Variants in PHGDH observed in about 807,000 individuals in gnomAD.
PHGDH encodes phosphoglycerate dehydrogenase.
PHGDH carries 50 observed loss-of-function variants against 52.6 expected under a neutral mutation model. That is an observed-to-expected ratio of 0.95 (90% CI 0.76 to 1.20). The LOEUF (loss-of-function observed/expected upper bound fraction) is 1.20. Ranked by LOEUF, PHGDH falls within the 50% of genes most tolerant of loss-of-function variation. PHGDH has a pLI of 0.00. For synonymous variants in PHGDH, 271 were observed against 280.5 expected (o/e 0.97, Z 0.34); for missense variants, 630 against 684.6 (o/e 0.92, Z 0.89).
At chr1:119,726,756 T>G (rs1176103648) in intron 3 of PHGDH, 95 bp from the exon 4 acceptor site, 7 of 966,034 alleles carry the variant, frequency 7.2e-6, no homozygotes, top group Non-Finnish European at 1.7e-6. Flanking sequence ...GAAGTGGCTG[T>G]CATGGGCAGT....
chr1:119,723,223 G>A (rs918099672), intron 2 of PHGDH, among the ~76,000 whole-genome samples, 153 bp from the exon 3 acceptor site: 1 of 152,182 alleles, frequency 6.6e-6, no homozygotes, highest in Non-Finnish European at 1.5e-5. Flanking sequence ...TTGGCTTAGG[G>A]CGAGAGTACA....
intron 3 of PHGDH, chr1:119,724,603 C>T (rs1651320231): frequency 8.1e-6 from 3 of 369,982 alleles, no homozygotes; most frequent in Non-Finnish European, 1.6e-5. Context: ...GTCTCTCCCC[C>T]TGGAGAAGTA....
chr1:119,735,165 G>A lies in PHGDH; in HGVS notation c.644-130G>A, dbSNP rs1238550103. 3.3e-6 allele frequency: 4 copies of A among 1,210,286 alleles called. No individual in the cohort carries two copies. In the African/African-American group the frequency reaches 4.4e-5, roughly 13 times the overall value. The allele number at this position is 1,210,286 out of a possible 1,614,324, so 75.0% of individuals were successfully genotyped here. On this transcript the variant is annotated intron_variant, in intron 6 of 11. Coordinates refer to ENST00000641023, the MANE Select transcript of PHGDH (RefSeq NM_006623.4). Reference sequence around the variant, plus strand: ...GAGGAGGAAGAGATGAGAGCAAAGAGGCTGCCGTCCAGCAGGAGAGAGGCT... The same window carrying A: ...GAGGAGGAAGAGATGAGAGCAAAGAAGCTGCCGTCCAGCAGGAGAGAGGCT...
chr1:119,744,109 A>G lies in PHGDH; in HGVS notation c.*69A>G, dbSNP rs950074746. 38 of 1,449,532 alleles carry G rather than the reference A, an allele frequency of 2.6e-5. No individual in the cohort carries two copies. The highest frequency in any genetic ancestry group is 1.7e-5 in the Admixed American group (1 of 59,838). The allele number at this position is 1,449,532 out of a possible 1,614,324, so 89.8% of individuals were successfully genotyped here. On this transcript the variant is annotated 3_prime_UTR_variant, in exon 12 of 12. Transcript: ENST00000641023. Reference sequence around the variant, plus strand: ...AACCCACCCACTGTGATCAATAGGGAGAGAAAATCCACATTCTTGGGCTGA... The same window carrying G: ...AACCCACCCACTGTGATCAATAGGGGGAGAAAATCCACATTCTTGGGCTGA...
intron 8 of PHGDH, among the ~76,000 whole-genome samples, chr1:119,738,306 T>C (rs1353780208): frequency 6.6e-6 from 1 of 152,160 alleles, no homozygotes; most frequent in Non-Finnish European, 1.5e-5. Context: ...CCCTCCCACC[T>C]CTGGATTGAG....
rs187234048 is a variant in PHGDH at position 119,719,246 on chromosome 1, C to A, written c.139-1924C>A. ...TGGGTGCCCATGTGACTTGTATACA[C>A]CCAGGTCATAATCAGTTTAGCATAA... On this transcript the variant is annotated intron_variant, in intron 1 of 11. Transcript: ENST00000641023. Among the ~76,000 whole-genome samples, 10 of 152,202 alleles carry A rather than the reference C, an allele frequency of 6.6e-5. No homozygotes were observed. In the East Asian group the frequency reaches 1.7e-3, roughly 27 times the overall value.
intron 5 of PHGDH, among the ~76,000 whole-genome samples, chr1:119,730,529 A>G (rs930777825): frequency 2.0e-5 from 3 of 152,200 alleles, no homozygotes; most frequent in African/African-American, 7.2e-5. Flanking sequence ...CTGTGGATGG[A>G]TTCTTTGGCT....
intron 10 of PHGDH, 108 bp downstream of exon 10, chr1:119,742,005 A>G (rs1388555178): frequency 2.4e-5 from 23 of 944,416 alleles, no homozygotes; most frequent in Non-Finnish European, 3.7e-5. Flanking sequence ...CCAGCCTTGC[A>G]TCGGCCTGTC....
At chr1:119,735,953 C>A in intron 7 of PHGDH, among the ~76,000 whole-genome samples, 1 of 152,178 alleles carries the variant, frequency 6.6e-6, no homozygotes, top group East Asian at 1.9e-4. Context: ...GCTTTCCCAG[C>A]TGGAGCAGAG....
At chr1:119,735,696 G>A (rs1651901899) in intron 7 of PHGDH, among the ~76,000 whole-genome samples, 2 of 152,134 alleles carry the variant, frequency 1.3e-5, no homozygotes, top group South Asian at 2.1e-4. Context: ...TCCTGGTTCC[G>A]GGCTTCTCAG....
At position 119,744,058 on chromosome 1, in the gene PHGDH, C is replaced by T. The variant is rs1480295716; in HGVS notation, c.*18C>T. 6.2e-7 allele frequency: 1 copy of T among 1,612,720 alleles called. No homozygotes were observed. The highest frequency in any genetic ancestry group is 2.2e-5 in the East Asian group (1 of 44,882). On this transcript the variant is annotated 3_prime_UTR_variant, in exon 12 of 12. Transcript: ENST00000641023. ...ACTTCTAACCTTGGAGCTCACTGGT[C>T]CCTGCCTCTGGGGCTTTTCTGAAGA...
chr1:119,713,152 G>T (rs1650777981), intron 1 of PHGDH: 1 of 152,372 alleles, frequency 6.6e-6, no homozygotes, highest in Non-Finnish European at 1.5e-5. Flanking sequence ...CGACCCAGCT[G>T]CCCAGTCTCT....
intron 1 of PHGDH, chr1:119,713,315 C>T (rs895095219): frequency 6.6e-6 from 1 of 152,432 alleles, no homozygotes; most frequent in Non-Finnish European, 1.5e-5. Flanking sequence ...TGTGCCACAA[C>T]CACGTGGTCC....
intron 9 of PHGDH, among the ~76,000 whole-genome samples, chr1:119,740,840 C>T (rs587701634): frequency 6.6e-6 from 1 of 152,210 alleles, no homozygotes; most frequent in East Asian, 1.9e-4. Flanking sequence ...TGGAGGGAGG[C>T]CCTAATTAAG....
chr1:119,713,880 G>T (rs1650808583), intron 1 of PHGDH, among the ~76,000 whole-genome samples: 1 of 152,118 alleles, frequency 6.6e-6, no homozygotes, highest in Non-Finnish European at 1.5e-5. Context: ...AGGGATGAGG[G>T]CAGAATTGAG....
intron 5 of PHGDH, among the ~76,000 whole-genome samples, chr1:119,732,995 G>C (rs977760188): frequency 3.3e-5 from 5 of 152,254 alleles, no homozygotes; most frequent in Non-Finnish European, 7.3e-5. Flanking sequence ...AGGGCCAGCA[G>C]ACGAAGAAGA....
At chr1:119,713,956 G>C (rs962355611) in intron 1 of PHGDH, among the ~76,000 whole-genome samples, 1 of 152,170 alleles carries the variant, frequency 6.6e-6, no homozygotes, top group Non-Finnish European at 1.5e-5. Context: ...CTGGGTGGAT[G>C]CTGGGAGTCT....
At chr1:119,736,987 C>A in intron 7 of PHGDH, 127 bp from the exon 8 acceptor site, 1 of 856,778 alleles carries the variant, frequency 1.2e-6, no homozygotes, top group Non-Finnish European at 2.0e-6. Context: ...ACCACCCTGA[C>A]AAAATAGAAG....
intron 8 of PHGDH, among the ~76,000 whole-genome samples, chr1:119,738,455 G>A (rs1221639723): frequency 2.6e-5 from 4 of 152,232 alleles, no homozygotes; most frequent in African/African-American, 4.8e-5. Flanking sequence ...CAGAGACTCT[G>A]ACCTGTCTGC....
Sources: allele counts gnomAD v4.1 joint callset (sites outside exome capture counted in the v4.1 genomes callset), GRCh38; gene constraint gnomAD v4.1.1; transcripts MANE v1.5; gene names NCBI Gene and HGNC (gene_info 2026-07-23, HGNC 2026-07-21).